The following INVS variants were observed in gnomAD, a reference collection of about 807,000 sequenced individuals.
INVS encodes inversin, also known as inversion of embryo turning homolog.
In INVS, 86 loss-of-function variants were observed where a neutral mutation model predicts 108.8. The observed-to-expected ratio is 0.79, with a 90% CI of 0.66 to 0.95. The LOEUF is 0.95. Ranked by LOEUF, INVS falls within the 40% of genes least tolerant of loss-of-function variation. The pLI, the probability that INVS is intolerant of heterozygous loss-of-function variation, is 0.00. For synonymous variants in INVS, 455 were observed against 473.5 expected (o/e 0.96, Z 0.51); for missense variants, 1,169 against 1,297.4 (o/e 0.90, Z 1.52).
intron 2 of INVS, among the ~76,000 whole-genome samples, chr9:100,106,166 T>G (rs1423779003): frequency 6.6e-6 from 1 of 152,132 alleles, no homozygotes; most frequent in Non-Finnish European, 1.5e-5. Flanking sequence ...TCCCTCATCT[T>G]TCAGTATGGT....
chr9:100,205,225 T>C (rs1443709542), intron 3 of INVS, among the ~76,000 whole-genome samples: 1 of 152,192 alleles, frequency 6.6e-6, no homozygotes, highest in African/African-American at 2.4e-5. Flanking sequence ...CAACTGCCTT[T>C]GTAAACACAG....
chr9:100,218,512 A>G (rs990320438), intron 3 of INVS, among the ~76,000 whole-genome samples: 3 of 152,132 alleles, frequency 2.0e-5, no homozygotes, highest in Non-Finnish European at 4.4e-5. Flanking sequence ...CATTTTGGGG[A>G]AAAAATGTAG....
intron 3 of INVS, among the ~76,000 whole-genome samples, chr9:100,128,754 A>G (rs1049045114): frequency 2.0e-5 from 3 of 152,252 alleles, no homozygotes; most frequent in Non-Finnish European, 2.9e-5. Flanking sequence ...AAGATCACCA[A>G]ACTCATAAGG....
intron 1 of INVS, among the ~76,000 whole-genome samples, chr9:100,100,820 A>ATTATATGTAC (rs1491189219): frequency 7.4e-5 from 1 of 13,442 alleles, no homozygotes; most frequent in Admixed American, 1.2e-3. Flanking sequence ...TAATATATAT[A>ATTATATGTAC]ATATATGTAT....
chr9:100,283,725 T>C (rs1219693694), intron 12 of INVS, among the ~76,000 whole-genome samples: 1 of 152,162 alleles, frequency 6.6e-6, no homozygotes, highest in East Asian at 1.9e-4. Context: ...TTTTTGAAAA[T>C]CACCCTACCT....
chr9:100,301,752 G>GAGAT lies in INVS; in HGVS notation c.*1082_*1085dup, dbSNP rs144978830. The stretch of plus-strand genomic sequence containing the variant: ...AGTGCCACTTCTGTGCTAACGGTAA[G>GAGAT]AGATAGACAGATAGGCAATGAAGTG... On this transcript the variant is annotated 3_prime_UTR_variant, in exon 17 of 17. Coordinates refer to ENST00000262457, the MANE Select transcript of INVS (RefSeq NM_014425.5). Among the ~76,000 whole-genome samples, 20,103 of 152,124 alleles carry GAGAT rather than the reference G, an allele frequency of 0.13. 1,369 individuals are homozygous for GAGAT. The highest frequency in any genetic ancestry group is 0.15 in the Non-Finnish European group (10,219 of 67,972).
At chr9:100,174,923 A>G (rs1000143737) in intron 3 of INVS, among the ~76,000 whole-genome samples, 7 of 152,158 alleles carry the variant, frequency 4.6e-5, no homozygotes, top group African/African-American at 7.2e-5. Flanking sequence ...GAAAAAAAGA[A>G]AATCTCACCT....
chr9:100,186,226 T>A (rs1362395225), intron 3 of INVS, among the ~76,000 whole-genome samples: 1 of 152,136 alleles, frequency 6.6e-6, no homozygotes, highest in African/African-American at 2.4e-5. Context: ...CTCAGCTCAC[T>A]GCATCCTTCA....
intron 12 of INVS, among the ~76,000 whole-genome samples, chr9:100,274,232 C>T (rs971975052): frequency 3.9e-5 from 6 of 152,006 alleles, no homozygotes; most frequent in African/African-American, 1.4e-4. Flanking sequence ...GTGGTTAGCA[C>T]CTGTTATGCC....
chr9:100,293,823 G>C (rs998712548), intron 14 of INVS, among the ~76,000 whole-genome samples: 1 of 152,122 alleles, frequency 6.6e-6, no homozygotes, highest in African/African-American at 2.4e-5. Flanking sequence ...TCTAAATTAG[G>C]CCTTACAGTG....
At chr9:100,259,757 C>T (rs1442735184) in intron 10 of INVS, among the ~76,000 whole-genome samples, 1 of 152,036 alleles carries the variant, frequency 6.6e-6, no homozygotes, top group African/African-American at 2.4e-5. Flanking sequence ...GTCACATTGG[C>T]CAGGCTGGTC....
chr9:100,112,103 C>G (rs946503038), intron 2 of INVS, among the ~76,000 whole-genome samples: 2 of 152,148 alleles, frequency 1.3e-5, no homozygotes, highest in Non-Finnish European at 2.9e-5. Context: ...TCCCGAGTAC[C>G]TGGGACCACA....
intron 11 of INVS, among the ~76,000 whole-genome samples, chr9:100,270,923 C>G (rs1056561070): frequency 8.2e-6 from 1 of 122,428 alleles, no homozygotes; most frequent in African/African-American, 3.1e-5. Context: ...GACCCTATCT[C>G]AAAAAAAAAG....
At chr9:100,254,824 A>G (rs7865678) in intron 10 of INVS, among the ~76,000 whole-genome samples, 79,157 of 151,940 alleles carry the variant, frequency 0.52, 21,518 homozygotes, top group Non-Finnish European at 0.57. Flanking sequence ...CTGTAGCCTT[A>G]TAGTACAGTT....
At chr9:100,223,556 G>A (rs1831214987) in intron 3 of INVS, among the ~76,000 whole-genome samples, 1 of 152,160 alleles carries the variant, frequency 6.6e-6, no homozygotes, top group African/African-American at 2.4e-5. Flanking sequence ...TGCTTTCATG[G>A]AGCTTACAGT....
At chr9:100,149,209 G>A (rs1356550193) in intron 3 of INVS, among the ~76,000 whole-genome samples, 3 of 152,158 alleles carry the variant, frequency 2.0e-5, no homozygotes, top group African/African-American at 7.2e-5. Context: ...AAGCTATGTA[G>A]CGAATGGGTA....
chr9:100,156,510 G>A (rs1828988204), intron 3 of INVS, among the ~76,000 whole-genome samples: 1 of 151,924 alleles, frequency 6.6e-6, no homozygotes, highest in Non-Finnish European at 1.5e-5. Context: ...TGATCTGCCT[G>A]CCTCAGCCTC....
intron 3 of INVS, among the ~76,000 whole-genome samples, chr9:100,165,403 A>C (rs959218456): frequency 2.0e-5 from 3 of 152,170 alleles, no homozygotes; most frequent in African/African-American, 7.2e-5. Context: ...CAAAATGCTG[A>C]TACTTTAATT....
At chr9:100,299,637 C>CAA (rs1289517984) in intron 16 of INVS, among the ~76,000 whole-genome samples, 8 of 9,910 alleles carry the variant, frequency 8.1e-4, no homozygotes, top group African/African-American at 2.0e-3. Flanking sequence ...CTTTTATTGA[C>CAA]ACACACACAC....
Sources: allele counts gnomAD v4.1 joint callset (sites outside exome capture counted in the v4.1 genomes callset), GRCh38; gene constraint gnomAD v4.1.1; transcripts MANE v1.5; gene names NCBI Gene and HGNC (gene_info 2026-07-23, HGNC 2026-07-21).